SV2C: variants seen among roughly 807,000 people sequenced by gnomAD.
SV2C encodes the protein solute carrier family 22 member B3.
SV2C carries 49 observed loss-of-function variants against 79.7 expected under a neutral mutation model. The observed-to-expected ratio is 0.61, with a 90% confidence interval of 0.49 to 0.78. The LOEUF is 0.78. Among genes scored for constraint, SV2C ranks in the 30% least tolerant of loss-of-function variants. SV2C has a pLI of 0.00. For synonymous variants in SV2C, 334 were observed against 333.2 expected, an observed-to-expected ratio of 1.00 and a Z score of -0.03; for missense variants, 833 against 912.9, an observed-to-expected ratio of 0.91 and a Z score of 1.13.
the SV2C span, among the ~76,000 whole-genome samples, chr5:76,013,885 C>A: frequency 6.6e-6 from 1 of 152,126 alleles, no homozygotes; most frequent in Non-Finnish European, 1.5e-5. Context: ...CAAAGTGCAA[C>A]TTTCCCTCCA....
At chr5:75,964,656 G>C in the SV2C span, among the ~76,000 whole-genome samples, 51 of 151,924 alleles carry the variant, frequency 3.4e-4, 1 homozygote, top group Non-Finnish European at 6.2e-4. Flanking sequence ...CTGGGCTAAG[G>C]GTTTCTTTAC....
At chr5:75,990,655 C>A in the SV2C span, among the ~76,000 whole-genome samples, 1 of 151,882 alleles carries the variant, frequency 6.6e-6, no homozygotes, top group Non-Finnish European at 1.5e-5. Flanking sequence ...AAGTCTTAGA[C>A]AACAAGTCCT....
the SV2C span, among the ~76,000 whole-genome samples, chr5:76,066,032 C>G: frequency 1.3e-5 from 2 of 152,114 alleles, no homozygotes; most frequent in African/African-American, 2.4e-5. Flanking sequence ...CAGAAAGGAC[C>G]TTTCCTGACA....
chr5:76,095,633 TA>T (rs1325136088), intron 1 of SV2C, among the ~76,000 whole-genome samples: 8 of 152,114 alleles, frequency 5.3e-5, no homozygotes, highest in Non-Finnish European at 7.4e-5. Flanking sequence ...ATATATGAAT[TA>T]TTTAAGAATC....
intron 4 of SV2C, among the ~76,000 whole-genome samples, chr5:76,280,281 T>C (rs528232882): frequency 6.6e-6 from 1 of 151,856 alleles, no homozygotes; most frequent in Admixed American, 6.5e-5. Context: ...CACACACACA[T>C]ATGCACACAC....
chr5:76,254,180 A>G (rs1233346788), intron 4 of SV2C, among the ~76,000 whole-genome samples: 3 of 149,410 alleles, frequency 2.0e-5, no homozygotes, highest in Non-Finnish European at 4.4e-5. Flanking sequence ...GTGTATATAT[A>G]TGTGTGTGTG....
intron 12 of SV2C, among the ~76,000 whole-genome samples, chr5:76,320,142 G>A (rs1183204598): frequency 4.0e-5 from 6 of 149,656 alleles, no homozygotes; most frequent in South Asian, 2.1e-4. Context: ...CAATAGCCTC[G>A]TCTCGTCTTC....
the SV2C span, chr5:75,911,596 C>G: frequency 1.5e-6 from 1 of 684,596 alleles, no homozygotes; most frequent in South Asian, 1.6e-5. Flanking sequence ...ACAAAAGAAG[C>G]CAGTAAGAAC....
At chr5:76,268,175 G>A (rs756236229) in intron 4 of SV2C, among the ~76,000 whole-genome samples, 3 of 152,138 alleles carry the variant, frequency 2.0e-5, no homozygotes, top group Non-Finnish European at 4.4e-5. Context: ...AGTTGTATTT[G>A]GAAGGTAGAC....
At chr5:76,087,565 T>G (rs1302245662) in intron 1 of SV2C, among the ~76,000 whole-genome samples, 1 of 152,204 alleles carries the variant, frequency 6.6e-6, no homozygotes, top group African/African-American at 2.4e-5. Context: ...GGAGCTTGTT[T>G]AAGTGGGAAT....
the SV2C span, among the ~76,000 whole-genome samples, chr5:76,043,314 T>G: frequency 0.07 from 10,604 of 152,220 alleles, 1,249 homozygotes; most frequent in African/African-American, 0.24. Context: ...AACATATGGC[T>G]GAAGTACTTG....
At chr5:76,104,058 A>T (rs16873208) in intron 1 of SV2C, among the ~76,000 whole-genome samples, 17,148 of 152,166 alleles carry the variant, frequency 0.11, 3,249 homozygotes, top group African/African-American at 0.39. Flanking sequence ...AGGCCCTAGA[A>T]ATATGTTCAT....
the SV2C span, among the ~76,000 whole-genome samples, chr5:75,896,666 T>C: frequency 6.6e-6 from 1 of 151,650 alleles, no homozygotes. Context: ...ATGGTTGAAC[T>C]AGTTTACAGT....
the SV2C span, among the ~76,000 whole-genome samples, chr5:75,886,696 A>C: frequency 6.6e-6 from 1 of 152,152 alleles, no homozygotes; most frequent in East Asian, 1.9e-4. Context: ...AACTAATTCA[A>C]CTCAGAGCTC....
chr5:75,954,376 C>A, the SV2C span, among the ~76,000 whole-genome samples: 1 of 151,878 alleles, frequency 6.6e-6, no homozygotes, highest in Non-Finnish European at 1.5e-5. Context: ...ATAGATAGTT[C>A]TTATTATTTT....
intron 12 of SV2C, chr5:76,311,066 T>C (rs1029943202): frequency 3.9e-5 from 6 of 152,268 alleles, no homozygotes; most frequent in Non-Finnish European, 8.8e-5. Context: ...TTGCAGCTGG[T>C]TCTCAATGAC....
At chr5:75,981,787 C>T in the SV2C span, among the ~76,000 whole-genome samples, 1 of 152,120 alleles carries the variant, frequency 6.6e-6, no homozygotes. Flanking sequence ...CTAGGCAATA[C>T]TATTCAGGAC....
At chr5:75,994,619 G>C in the SV2C span, among the ~76,000 whole-genome samples, 1 of 152,060 alleles carries the variant, frequency 6.6e-6, no homozygotes, top group Admixed American at 6.6e-5. Context: ...GGAATATTTA[G>C]TATCAATAAA....
intron 12 of SV2C, among the ~76,000 whole-genome samples, chr5:76,312,205 C>T (rs375751759): frequency 7.6e-4 from 116 of 152,036 alleles, no homozygotes; most frequent in African/African-American, 2.7e-3. Context: ...GTGGCTGTGG[C>T]CAAGTCCCCT....
Sources: allele counts gnomAD v4.1 joint callset (sites outside exome capture counted in the v4.1 genomes callset), GRCh38; gene constraint gnomAD v4.1.1; transcripts MANE v1.5; gene names NCBI Gene and HGNC (gene_info 2026-07-23, HGNC 2026-07-21).